The following SLC35F6 variants were observed in gnomAD, a reference collection of about 807,000 sequenced individuals.
The protein encoded by SLC35F6 is solute carrier family 35 member F6.
In SLC35F6, 26 loss-of-function variants were observed where a neutral mutation model predicts 29.4. That is an observed-to-expected ratio of 0.89 (90% CI 0.65 to 1.23). SLC35F6 has a LOEUF of 1.23. SLC35F6 is among the 50% of genes most tolerant of loss of function. The pLI is 0.00. For missense variants in SLC35F6, 428 were observed against 487.8 expected (o/e 0.88, Z 1.15); for synonymous variants, 174 against 206.6 (o/e 0.84, Z 1.35).
rs1312261676 is a variant in SLC35F6 at position 26,781,150 on chromosome 2, G to A, written c.*2639G>A. 2.0e-5 allele frequency: 3 copies of A among 152,178 alleles called. No individual in the cohort carries two copies. Among genetic ancestry groups the A allele is most frequent in the African/African-American group, 4.8e-5 (2 of 41,444 alleles). The allele number at this position is 152,178 out of a possible 1,614,324, so 9.4% of individuals were successfully genotyped here. On this transcript the variant is annotated 3_prime_UTR_variant, in exon 6 of 6. Transcript: ENST00000344420. ...AAAAAGAAAAGGAAAATTGGCAATT[G>A]TATTAATCCATTCTCGAATTGCTGT... is the stretch of plus-strand genomic sequence containing the variant.
rs1193130667 is a variant in SLC35F6 at position 26,775,574 on chromosome 2, T to C, written c.433T>C (p.Trp145Arg). ...GGGCCGGAGGCTGGTGCTGAGCCAG[T>C]GGCTGGGCATCCTAGCCACCATCGC... ...FLGRRLVLSQ[W>R]LGILATIAGL... Residue 145 changes from tryptophan (W) to arginine (R), a missense_variant, in exon 4 of 6, where the codon TGG becomes CGG. By Grantham distance (101) the Trp-to-Arg change is moderately radical. Transcript: ENST00000344420. The surrounding 1 kb of genome is among the most constrained non-coding windows in gnomAD (Gnocchi z 4.6). 5.0e-6 allele frequency: 8 copies of C among 1,609,194 alleles called. No individual in the cohort carries two copies. Among genetic ancestry groups the C allele is most frequent in the Non-Finnish European group, 6.8e-6 (8 of 1,179,650 alleles).
intron 5 of SLC35F6, 108 bp downstream of exon 5, chr2:26,776,590 C>G (rs1419451291): frequency 1.1e-6 from 1 of 934,072 alleles, no homozygotes; most frequent in Non-Finnish European, 1.7e-6. Context: ...ACTTCCTGCC[C>G]CGCCTTGCCT....
Position 26,780,370 on chromosome 2 carries a change from T to A in SLC35F6, c.*1859T>A, listed in dbSNP as rs550600746. 1 of 152,232 alleles carries A rather than the reference T, an allele frequency of 6.6e-6. No homozygotes were observed. The highest frequency in any genetic ancestry group is 6.5e-5 in the Admixed American group (1 of 15,286). The allele number at this position is 152,232 out of a possible 1,614,324, so 9.4% of individuals were successfully genotyped here. On this transcript the variant is annotated 3_prime_UTR_variant, in exon 6 of 6. Coordinates refer to ENST00000344420, the MANE Select transcript of SLC35F6 (RefSeq NM_017877.4). ...CATGATTCTGCAGCAGACAGGGACC[T>A]AGAGCACATCTGGATCTCAGCCCCA... is the stretch of plus-strand genomic sequence containing the variant.
chr2:26,777,977 G>T, intron 5 of SLC35F6, 65 bp from the exon 6 acceptor site: 1 of 1,489,680 alleles, frequency 6.7e-7, no homozygotes. Flanking sequence ...AGGAGGCTAA[G>T]CCGGTGGGCT....
intron 1 of SLC35F6, among the ~76,000 whole-genome samples, chr2:26,767,351 A>C (rs1664112679): frequency 6.6e-6 from 1 of 152,184 alleles, no homozygotes; most frequent in African/African-American, 2.4e-5. Context: ...GTTCAGACTG[A>C]CAGCCTGTGG....
At chr2:26,774,395 C>A in intron 2 of SLC35F6, 72 bp downstream of exon 2, 1 of 1,559,850 alleles carries the variant, frequency 6.4e-7, no homozygotes, top group Non-Finnish European at 8.8e-7. Context: ...GCCATGAGGC[C>A]AGGCTGTTTC....
Position 26,778,791 on chromosome 2 carries a change from A to C in SLC35F6, c.*280A>C. The C allele has an allele frequency of 2.3e-6, 1 of 436,366 alleles. No homozygotes were observed. 27.0% of individuals were successfully genotyped at this position (436,366 alleles called of 1,614,324 possible). Reference sequence around the variant, plus strand: ...CTACAGCACTAGAGCTAAATCATGAAGTTGAATTGTAGGAATTTACCACCG... The same window carrying C: ...CTACAGCACTAGAGCTAAATCATGACGTTGAATTGTAGGAATTTACCACCG... On this transcript the variant is annotated 3_prime_UTR_variant, in exon 6 of 6. Transcript: ENST00000344420.
rs975522850 is a variant in SLC35F6 at position 26,780,703 on chromosome 2, T to G, written c.*2192T>G. The G allele has an allele frequency of 6.6e-6, 1 of 152,198 alleles. No homozygotes were observed. Among genetic ancestry groups the G allele is most frequent in the South Asian group, 2.1e-4 (1 of 4,822 alleles). The allele number at this position is 152,198 out of a possible 1,614,324, so 9.4% of individuals were successfully genotyped here. ...TCCTAGGGCTGGGCTGGAAGCCTCATGTACTGTTGTCTTCTAGGTAACCAC... is the reference window on the plus strand; with the variant it reads ...TCCTAGGGCTGGGCTGGAAGCCTCAGGTACTGTTGTCTTCTAGGTAACCAC... On this transcript the variant is annotated 3_prime_UTR_variant, in exon 6 of 6. Coordinates refer to ENST00000344420, the MANE Select transcript of SLC35F6 (RefSeq NM_017877.4).
chr2:26,774,950 C>T lies in SLC35F6; in HGVS notation c.151-94C>T. 2.1e-6 allele frequency: 3 copies of T among 1,409,700 alleles called. No individual in the cohort carries two copies. The South Asian group carries it at 4.4e-5, about 21-fold the overall frequency. 87.3% of individuals were successfully genotyped at this position (1,409,700 alleles called of 1,614,324 possible). A position where few individuals can be genotyped will look rare whatever the true frequency, so the allele number is the denominator to read the frequency against. On this transcript the variant is annotated intron_variant, in intron 2 of 5. Transcript: ENST00000344420. Reference sequence around the variant, plus strand: ...TACATATTGGGGTTCTGGGTAAGCTCTTGTTTGACAAAAGTTTGCATTAAA... The same window carrying T: ...TACATATTGGGGTTCTGGGTAAGCTTTTGTTTGACAAAAGTTTGCATTAAA...
At chr2:26,776,629 C>T (rs1664307044) in intron 5 of SLC35F6, 147 bp downstream of exon 5, 2 of 668,028 alleles carry the variant, frequency 3.0e-6, no homozygotes, top group Middle Eastern at 3.9e-4. Context: ...AGTCTTCTGA[C>T]ACCTGCTGTG....
chr2:26,764,891 T>C (rs2148053325), intron 1 of SLC35F6: 2 of 985,388 alleles, frequency 2.0e-6, no homozygotes, highest in Non-Finnish European at 2.4e-6. Context: ...GTTAGAGCTG[T>C]GCTTTGAAGC....
At position 26,781,029 on chromosome 2, in the gene SLC35F6, A is replaced by G. The variant is rs1368144923; in HGVS notation, c.*2518A>G. 1 of 152,158 alleles carries G rather than the reference A, an allele frequency of 6.6e-6. No homozygotes were observed. The highest frequency in any genetic ancestry group is 2.4e-5 in the African/African-American group (1 of 41,418). 9.4% of individuals were successfully genotyped at this position (152,158 alleles called of 1,614,324 possible). Reference sequence around the variant, plus strand: ...ACTGGGCCACAGTGTCTGTCCCAGGAAGAAGCAAATGGACAGTGAGGATGA... The same window carrying G: ...ACTGGGCCACAGTGTCTGTCCCAGGGAGAAGCAAATGGACAGTGAGGATGA... On this transcript the variant is annotated 3_prime_UTR_variant, in exon 6 of 6. Coordinates refer to ENST00000344420, the MANE Select transcript of SLC35F6 (RefSeq NM_017877.4).
At chr2:26,767,860 A>G (rs1385012466) in intron 1 of SLC35F6, among the ~76,000 whole-genome samples, 2 of 152,132 alleles carry the variant, frequency 1.3e-5, no homozygotes, top group Admixed American at 6.5e-5. Context: ...ATAATAATAA[A>G]TAATTAATTA....
chr2:26,765,610 G>A (rs1664083737), intron 1 of SLC35F6, among the ~76,000 whole-genome samples: 1 of 152,230 alleles, frequency 6.6e-6, no homozygotes, highest in Non-Finnish European at 1.5e-5. Flanking sequence ...TGGAATCTGA[G>A]GTGGAGGAGA....
chr2:26,768,837 C>G (rs1664140637), intron 1 of SLC35F6, among the ~76,000 whole-genome samples: 2 of 151,862 alleles, frequency 1.3e-5, no homozygotes, highest in Admixed American at 6.6e-5. Context: ...GAGACAGCGT[C>G]TTGCCATGTT....
rs1230480088 is a variant in SLC35F6, at chr2:26,780,154, G to A, written c.*1643G>A. The A allele has an allele frequency of 6.6e-6, 1 of 152,058 alleles. No homozygotes were observed. The highest frequency in any genetic ancestry group is 2.4e-5 in the African/African-American group (1 of 41,388). The allele number at this position is 152,058 out of a possible 1,614,324, so 9.4% of individuals were successfully genotyped here. ...TTTTCCTGCTCTTACTCTCACCTCT[G>A]AGGCCTCCTCTGCCTGGAAGAGATT... On this transcript the variant is annotated 3_prime_UTR_variant, in exon 6 of 6. Coordinates refer to ENST00000344420, the MANE Select transcript of SLC35F6 (RefSeq NM_017877.4).
intron 2 of SLC35F6, 48 bp from the exon 3 acceptor site, chr2:26,774,996 C>A (rs955642914): frequency 6.4e-6 from 10 of 1,554,586 alleles, no homozygotes; most frequent in African/African-American, 1.4e-5. Flanking sequence ...AAAGATGATC[C>A]CCGAGATCCC....
At chr2:26,776,794 G>T (rs1416278675) in intron 5 of SLC35F6, among the ~76,000 whole-genome samples, 1 of 152,136 alleles carries the variant, frequency 6.6e-6, no homozygotes, top group Non-Finnish European at 1.5e-5. Flanking sequence ...AGTCTCTCAG[G>T]GCAGGGAGGG....
At chr2:26,765,638 G>T (rs13382458) in intron 1 of SLC35F6, among the ~76,000 whole-genome samples, 2,287 of 152,324 alleles carry the variant, frequency 0.015, 58 homozygotes, top group African/African-American at 0.052. Context: ...GTACGCACAC[G>T]ACAGTCACAG....
Sources: gnomAD v4.1 joint callset for allele counts (sites outside exome capture counted in the v4.1 genomes callset) on GRCh38, gnomAD v4.1.1 for gene constraint, Gnocchi (gnomAD v3.1) non-coding constraint, MANE v1.5 for transcripts, NCBI Gene and HGNC (gene_info 2026-07-23, HGNC 2026-07-21) for gene names.